The following EPHA5 variants were observed in gnomAD, a reference collection of about 807,000 sequenced individuals.
EPHA5 encodes the protein EPH receptor A5, also known as ephrin type-A receptor 5.
In EPHA5, 60 loss-of-function variants were observed where a neutral mutation model predicts 105.0. That is an observed-to-expected ratio of 0.57 (90% CI 0.46 to 0.71). The LOEUF is 0.71. EPHA5 is among the 30% of genes least tolerant of loss of function. The pLI is 0.00. For synonymous variants in EPHA5, 513 were observed against 449.1 expected (o/e 1.14, Z -1.80); for missense variants, 1,218 against 1,274.7 (o/e 0.96, Z 0.68).
chr4:65,652,979 A>C (rs1748743832), intron 1 of EPHA5, among the ~76,000 whole-genome samples: 1 of 152,118 alleles, frequency 6.6e-6, no homozygotes, highest in Admixed American at 6.5e-5. Flanking sequence ...CTAAACAGGC[A>C]AAAGGTACAC....
At chr4:65,516,232 A>T (rs1463166593) in intron 3 of EPHA5, among the ~76,000 whole-genome samples, 1 of 152,186 alleles carries the variant, frequency 6.6e-6, no homozygotes, top group African/African-American at 2.4e-5. Flanking sequence ...TACCAATAAC[A>T]TAAATAGTTG....
intron 5 of EPHA5, among the ~76,000 whole-genome samples, chr4:65,436,410 C>A (rs1042216124): frequency 4.0e-5 from 6 of 151,806 alleles, no homozygotes; most frequent in African/African-American, 1.4e-4. Flanking sequence ...TCTCGAGACA[C>A]TCATGTTAAA....
At chr4:65,583,599 T>C (rs1262989407) in intron 3 of EPHA5, among the ~76,000 whole-genome samples, 1 of 151,808 alleles carries the variant, frequency 6.6e-6, no homozygotes, top group Non-Finnish European at 1.5e-5. Context: ...ATTGCAATGA[T>C]GAATAATGCA....
intron 8 of EPHA5, among the ~76,000 whole-genome samples, chr4:65,391,934 T>C (rs6551918): frequency 0.041 from 6,217 of 152,190 alleles, 430 homozygotes; most frequent in African/African-American, 0.14. Flanking sequence ...ATAAACTGAG[T>C]TTTTCTTTCA....
intron 2 of EPHA5, among the ~76,000 whole-genome samples, chr4:65,641,365 A>T (rs1341748045): frequency 2.6e-5 from 4 of 152,136 alleles, no homozygotes; most frequent in Non-Finnish European, 5.9e-5. Flanking sequence ...GAGTTCCAAA[A>T]CAATTGACTC....
In EPHA5 at chr4:65,670,336, G is replaced by A. The variant is rs1188867700; in HGVS notation, c.-594C>T. Reference sequence around the variant, plus strand: ...TAGCTGCGGGCTGAGTGCTGAAGAGGGGAGGGACTGACGGCTGCCGGCCGG... The same window carrying A: ...TAGCTGCGGGCTGAGTGCTGAAGAGAGGAGGGACTGACGGCTGCCGGCCGG... On this transcript the variant is annotated 5_prime_UTR_variant, in exon 1 of 17. Transcript: ENST00000613740. The A allele has an allele frequency of 4.3e-6, 1 of 233,584 alleles. No homozygotes were observed. The highest frequency in any genetic ancestry group is 2.2e-5 in the African/African-American group (1 of 45,370). The allele number at this position is 233,584 out of a possible 1,614,324, so 14.5% of individuals were successfully genotyped here. A position where few individuals can be genotyped will look rare whatever the true frequency, so the allele number is the denominator to read the frequency against.
At chr4:65,375,597 C>G (rs954840734) in intron 8 of EPHA5, among the ~76,000 whole-genome samples, 2 of 151,852 alleles carry the variant, frequency 1.3e-5, no homozygotes, top group African/African-American at 2.4e-5. Flanking sequence ...GTTCACACTT[C>G]CATTGAAGCA....
At chr4:65,473,444 T>G (rs748733827) in intron 5 of EPHA5, among the ~76,000 whole-genome samples, 11 of 152,178 alleles carry the variant, frequency 7.2e-5, no homozygotes, top group Admixed American at 2.6e-4. Context: ...TCACAGTTCT[T>G]CATAGCTGGG....
intron 8 of EPHA5, among the ~76,000 whole-genome samples, chr4:65,392,728 T>C (rs1720842701): frequency 6.6e-6 from 1 of 152,158 alleles, no homozygotes; most frequent in African/African-American, 2.4e-5. Flanking sequence ...GGGTTGAGCA[T>C]TTCATTATGT....
intron 1 of EPHA5, among the ~76,000 whole-genome samples, chr4:65,662,768 C>G (rs917340093): frequency 6.6e-6 from 1 of 151,998 alleles, no homozygotes; most frequent in Non-Finnish European, 1.5e-5. Context: ...ATACTCAAAA[C>G]TGTTATTAAT....
intron 5 of EPHA5, among the ~76,000 whole-genome samples, chr4:65,461,001 C>T (rs1301242814): frequency 3.3e-5 from 5 of 151,878 alleles, no homozygotes; most frequent in African/African-American, 9.6e-5. Flanking sequence ...ATAACCATAA[C>T]ACTGGAAATA....
chr4:65,591,692 T>C (rs1463253077), intron 3 of EPHA5, among the ~76,000 whole-genome samples: 2 of 152,134 alleles, frequency 1.3e-5, no homozygotes, highest in East Asian at 3.9e-4. Context: ...CCCTAAGTCA[T>C]GTAAATTATT....
intron 13 of EPHA5, among the ~76,000 whole-genome samples, chr4:65,348,815 A>ATTTT (rs10633855): frequency 0.21 from 13,583 of 64,006 alleles, 3,472 homozygotes; most frequent in South Asian, 0.29. Flanking sequence ...ATATATATAT[A>ATTTT]TTTTTTTTTT....
At chr4:65,651,086 A>T (rs186653999) in intron 1 of EPHA5, among the ~76,000 whole-genome samples, 4 of 152,324 alleles carry the variant, frequency 2.6e-5, no homozygotes, top group Non-Finnish European at 2.9e-5. Flanking sequence ...TTAGGTAGAA[A>T]ATATTAGTAA....
At chr4:65,491,177 TA>T (rs1560601035) in intron 4 of EPHA5, among the ~76,000 whole-genome samples, 1 of 145,192 alleles carries the variant, frequency 6.9e-6, no homozygotes, top group African/African-American at 2.6e-5. Context: ...ACAAATGTTG[TA>T]AGTAAAAAAA....
chr4:65,534,583 C>A (rs747623860), intron 3 of EPHA5, among the ~76,000 whole-genome samples: 22 of 152,292 alleles, frequency 1.4e-4, no homozygotes, highest in Non-Finnish European at 2.5e-4. Context: ...ACTGGGCAGA[C>A]AAAGATGTCA....
chr4:65,438,439 C>CAT (rs930615017), intron 5 of EPHA5, among the ~76,000 whole-genome samples: 68 of 150,678 alleles, frequency 4.5e-4, no homozygotes, highest in African/African-American at 1.4e-3. Context: ...TATATGTATC[C>CAT]ATATATATAT....
In EPHA5 at chr4:65,476,143, T is replaced by TGG. The variant is rs1322572929; in HGVS notation, c.1402+14233_1402+14234insCC. Among the ~76,000 whole-genome samples the TGG allele has an allele frequency of 9.7e-3, 1,471 of 151,536 alleles. 28 individuals are homozygous for TGG. The highest frequency in any genetic ancestry group is 0.034 in the African/African-American group (1,391 of 41,200). ...GAGAGAGAGAGTGTGTGTGTGTGTG[T>TGG]GTGTGTGTGTGTGTGTTAAAATATG... On this transcript the variant is annotated intron_variant, in intron 5 of 16. Transcript: ENST00000613740.
chr4:65,418,721 C>T (rs892163911), intron 6 of EPHA5, among the ~76,000 whole-genome samples: 1 of 151,934 alleles, frequency 6.6e-6, no homozygotes, highest in Non-Finnish European at 1.5e-5. Context: ...TGTAGATAGC[C>T]TTTCTCCATC....
Sources: allele counts gnomAD v4.1 joint callset (sites outside exome capture counted in the v4.1 genomes callset), GRCh38; gene constraint gnomAD v4.1.1; transcripts MANE v1.5; gene names NCBI Gene and HGNC (gene_info 2026-07-23, HGNC 2026-07-21).